Variants in PCDHGA5 observed in about 807,000 individuals in gnomAD.
The protein encoded by PCDHGA5 is protocadherin gamma subfamily A, 5, also known as protocadherin gamma-A5.
Under a neutral mutation model 56.7 loss-of-function variants are expected in PCDHGA5, and 36 were observed. That is an observed-to-expected ratio of 0.64 (90% CI 0.49 to 0.84). PCDHGA5 has a LOEUF of 0.84. Among genes scored for constraint, PCDHGA5 ranks in the 40% least tolerant of loss-of-function variants. PCDHGA5 has a pLI of 0.00. For synonymous variants in PCDHGA5, 563 were observed against 520.2 expected (o/e 1.08, Z -1.12); for missense variants, 1,305 against 1,201.5 (o/e 1.09, Z -1.27).
chr5:141,490,605 C>A lies in PCDHGA5; in HGVS notation c.2422-4202C>A. On this transcript the variant is annotated intron_variant, in intron 1 of 3. Transcript: ENST00000518069. The surrounding 1 kb of genome is among the most constrained non-coding windows in gnomAD (Gnocchi z 5.4). ...TCAATGACAATGCACCCCGCTTCAA[C>A]CAGCAGCTTTACACTGCTTACATCC... 6.2e-6 allele frequency: 10 copies of A among 1,614,198 alleles called. No individual in the cohort carries two copies. The highest frequency in any genetic ancestry group is 8.5e-6 in the Non-Finnish European group (10 of 1,180,030).
intron 1 of PCDHGA5, chr5:141,404,445 G>GT: frequency 6.2e-7 from 1 of 1,613,280 alleles, no homozygotes; most frequent in Non-Finnish European, 8.5e-7. Context: ...ACCATCCAAG[G>GT]GTCTCCTCTC....
chr5:141,503,077 TCTC>T (rs1212079220), intron 2 of PCDHGA5, among the ~76,000 whole-genome samples: 1 of 151,810 alleles, frequency 6.6e-6, no homozygotes, highest in African/African-American at 2.4e-5. Flanking sequence ...ATGGTCTCGA[TCTC>T]CTGACCTCGT....
At chr5:141,500,411 G>A (rs376320602) in intron 2 of PCDHGA5, among the ~76,000 whole-genome samples, 4 of 151,592 alleles carry the variant, frequency 2.6e-5, no homozygotes, top group East Asian at 2.0e-4. Context: ...GGGTTTCACC[G>A]TGTTAGCCAG....
intron 1 of PCDHGA5, chr5:141,395,290 T>A: frequency 6.5e-7 from 1 of 1,529,840 alleles, no homozygotes; most frequent in Non-Finnish European, 8.8e-7. Flanking sequence ...TTATTTGGCA[T>A]AAATTATGTT....
At chr5:141,377,605 C>T (rs572021306) in intron 1 of PCDHGA5, 1 of 140,680 alleles carries the variant, frequency 7.1e-6, no homozygotes, top group Admixed American at 7.1e-5. Context: ...CTCTCTCTCT[C>T]AAAAAAAAAA....
rs1334123861 is a variant in PCDHGA5, at chr5:141,414,743, C to G, written c.2421+47992C>G. On this transcript the variant is annotated intron_variant, in intron 1 of 3. Coordinates refer to ENST00000518069, the MANE Select transcript of PCDHGA5 (RefSeq NM_018918.3). ...ACTGGCGTCCTGTATGCACTCAGAT[C>G]CTTCGACTATGAGCAGTTTCATGAG... 1.9e-6 allele frequency: 3 copies of G among 1,614,216 alleles called. No homozygotes were observed. In the East Asian group the frequency reaches 6.7e-5, roughly 36 times the overall value.
rs1025148587 is a variant in PCDHGA5, at chr5:141,431,434, C to T, written c.2422-63373C>T. ...GGGGCGACCCGGTGCGCACAGGCAC[C>T]GCGCGCATCCGCGTGATGGTTCTGG... On this transcript the variant is annotated intron_variant, in intron 1 of 3. Transcript: ENST00000518069. This position sits in a 1 kb window ranked among gnomAD's most constrained non-coding sequence, Gnocchi z 4.8. The T allele has an allele frequency of 6.2e-7, 1 of 1,613,690 alleles. No homozygotes were observed. The highest frequency in any genetic ancestry group is 1.3e-5 in the African/African-American group (1 of 75,072).
intron 3 of PCDHGA5, among the ~76,000 whole-genome samples, chr5:141,506,925 A>G (rs1287267937): frequency 1.3e-5 from 2 of 152,152 alleles, no homozygotes; most frequent in African/African-American, 4.8e-5. Context: ...ATACTAAACA[A>G]ACTTTAGGGG....
chr5:141,393,071 C>T (rs927273885), intron 1 of PCDHGA5: 3 of 1,613,680 alleles, frequency 1.9e-6, no homozygotes, highest in Non-Finnish European at 2.5e-6. Context: ...GCTTGATCAC[C>T]GCGGGCAGGA....
chr5:141,378,375 T>C (rs2150126691), intron 1 of PCDHGA5: 1 of 152,224 alleles, frequency 6.6e-6, no homozygotes, highest in African/African-American at 2.4e-5. Context: ...ATACAAAAAT[T>C]AGCCAGGTGG....
At chr5:141,387,607 AG>A in intron 1 of PCDHGA5, 2 of 547,806 alleles carry the variant, frequency 3.7e-6, no homozygotes, top group Non-Finnish European at 6.4e-6. Context: ...CAGAGGCTGT[AG>A]TTTCCTAGTG....
At chr5:141,456,336 G>A (rs2098850873) in intron 1 of PCDHGA5, among the ~76,000 whole-genome samples, 1 of 152,242 alleles carries the variant, frequency 6.6e-6, no homozygotes, top group Non-Finnish European at 1.5e-5. Context: ...TGATCTAAGG[G>A]TCCTCGGAAG....
intron 1 of PCDHGA5, among the ~76,000 whole-genome samples, chr5:141,450,123 T>G (rs565568384): frequency 2.4e-4 from 36 of 150,874 alleles, no homozygotes; most frequent in Non-Finnish European, 4.7e-4. Context: ...TCTCCTGCCT[T>G]AGCCTCCTGA....
At position 141,365,513 on chromosome 5, in the gene PCDHGA5, G is replaced by C. The variant is rs756301595; in HGVS notation, c.1183G>C (p.Glu395Gln). The C allele has an allele frequency of 8.7e-6, 14 of 1,613,760 alleles. No homozygotes were observed. The Admixed American group carries it at 2.3e-4, about 27-fold the overall frequency. ...SIPRNLPFKL[E>Q]KSVDNYYHLL... Reference sequence around the variant, plus strand: ...TCCTAGGAATTTGCCTTTTAAATTGGAGAAGTCAGTTGATAATTACTATCA... The same window carrying C: ...TCCTAGGAATTTGCCTTTTAAATTGCAGAAGTCAGTTGATAATTACTATCA... The change falls in exon 1 of 4, where the codon GAG (glutamate) becomes CAG (glutamine). Residue 395 changes from glutamate to glutamine, a missense_variant. Physicochemically the swap from Glu to Gln is conservative, Grantham distance 29. Coordinates refer to ENST00000518069, the MANE Select transcript of PCDHGA5 (RefSeq NM_018918.3).
At chr5:141,422,782 C>CG in intron 1 of PCDHGA5, 1 of 1,614,090 alleles carries the variant, frequency 6.2e-7, no homozygotes, top group South Asian at 1.1e-5. Context: ...CTATGCCCTA[C>CG]AATCCTTCGA....
intron 1 of PCDHGA5, among the ~76,000 whole-genome samples, chr5:141,437,919 G>A (rs2097917914): frequency 1.3e-5 from 2 of 152,078 alleles, no homozygotes; most frequent in Admixed American, 1.3e-4. Context: ...TGTATTTTTA[G>A]TAGAGATGGG....
chr5:141,405,533 C>T (rs2094681755), intron 1 of PCDHGA5: 2 of 648,174 alleles, frequency 3.1e-6, no homozygotes. Context: ...GATTCTCCTG[C>T]CTCAGCCTCC....
chr5:141,470,870 G>GT (rs1230952624), intron 1 of PCDHGA5, among the ~76,000 whole-genome samples: 1 of 151,546 alleles, frequency 6.6e-6, no homozygotes, highest in Non-Finnish European at 1.5e-5. Context: ...TTGTTTGTTT[G>GT]TTTTTTTGTT....
chr5:141,368,406 T>A (rs1160875072), intron 1 of PCDHGA5, among the ~76,000 whole-genome samples: 2 of 151,988 alleles, frequency 1.3e-5, no homozygotes, highest in Non-Finnish European at 2.9e-5. Context: ...CACACATACA[T>A]ACACACATGG....
Sources: allele counts gnomAD v4.1 joint callset (sites outside exome capture counted in the v4.1 genomes callset), GRCh38; gene constraint gnomAD v4.1.1; non-coding constraint Gnocchi (gnomAD v3.1); transcripts MANE v1.5; gene names NCBI Gene and HGNC (gene_info 2026-07-23, HGNC 2026-07-21).